Variants in LUZP2 observed in about 807,000 individuals in gnomAD.
The protein encoded by LUZP2 is leucine zipper protein 2.
In LUZP2, 52 loss-of-function variants were observed where a neutral mutation model predicts 51.6. That is an observed-to-expected ratio of 1.01 (90% confidence interval 0.81 to 1.27). LUZP2 has a LOEUF of 1.27. Among genes scored for constraint, LUZP2 ranks in the 50% most tolerant of loss-of-function variants. LUZP2 has a pLI of 0.00. For synonymous variants in LUZP2, 154 were observed against 137.3 expected (o/e 1.12, Z -0.85); for missense variants, 436 against 395.4 (o/e 1.10, Z -0.87).
chr11:24,566,788 TA>T (rs1414173863), intron 1 of LUZP2, among the ~76,000 whole-genome samples: 1 of 146,184 alleles, frequency 6.8e-6, no homozygotes, highest in African/African-American at 2.5e-5. Context: ...TACATATATA[TA>T]ATGTATATAT....
chr11:24,541,919 AC>A (rs753014364), intron 1 of LUZP2, among the ~76,000 whole-genome samples: 12 of 151,196 alleles, frequency 7.9e-5, no homozygotes, highest in Non-Finnish European at 1.2e-4. Context: ...GAAAAAAAAA[AC>A]ACCTGTTAGT....
chr11:24,974,045 C>T (rs998104076), intron 7 of LUZP2, among the ~76,000 whole-genome samples: 9 of 151,818 alleles, frequency 5.9e-5, no homozygotes, highest in East Asian at 5.8e-4. Flanking sequence ...TTAATGTCTC[C>T]CACTATTATT....
chr11:24,859,981 C>T (rs1396740522), intron 5 of LUZP2, among the ~76,000 whole-genome samples: 1 of 152,196 alleles, frequency 6.6e-6, no homozygotes, highest in Non-Finnish European at 1.5e-5. Context: ...CACCTGCTGC[C>T]TAAGTCATTT....
intron 1 of LUZP2, among the ~76,000 whole-genome samples, chr11:24,715,564 G>C (rs1858011707): frequency 6.6e-6 from 1 of 151,886 alleles, no homozygotes; most frequent in Non-Finnish European, 1.5e-5. Flanking sequence ...TACTTATATT[G>C]TCACCTGTGC....
At chr11:25,022,558 CA>C (rs538255249) in intron 9 of LUZP2, among the ~76,000 whole-genome samples, 19 of 151,762 alleles carry the variant, frequency 1.3e-4, no homozygotes, top group South Asian at 2.1e-4. Context: ...CTCTCTTCAC[CA>C]AAAAAATCTG....
At chr11:24,755,842 A>G (rs959229051) in intron 4 of LUZP2, among the ~76,000 whole-genome samples, 4 of 152,316 alleles carry the variant, frequency 2.6e-5, no homozygotes, top group African/African-American at 9.6e-5. Context: ...ATTTTACCTC[A>G]AAATATGTTT....
At chr11:24,689,542 C>A (rs904726187) in intron 1 of LUZP2, among the ~76,000 whole-genome samples, 1 of 152,106 alleles carries the variant, frequency 6.6e-6, no homozygotes, top group African/African-American at 2.4e-5. Flanking sequence ...CAGCTGTGAC[C>A]AATTTCTATT....
At chr11:24,944,563 A>C (rs1421120159) in intron 7 of LUZP2, among the ~76,000 whole-genome samples, 1 of 152,154 alleles carries the variant, frequency 6.6e-6, no homozygotes, top group Admixed American at 6.6e-5. Flanking sequence ...CCACTTTTAG[A>C]GGTGTTTGGG....
In LUZP2 at chr11:24,732,105, C is replaced by A; in HGVS notation, c.181-13C>A. 1.9e-6 allele frequency: 3 copies of A among 1,598,364 alleles called. No individual in the cohort carries two copies. The highest frequency in any genetic ancestry group is 2.6e-6 in the Non-Finnish European group (3 of 1,170,630). ...ACCTGAATAAAACTTCATTTTTCCA[C>A]TTTTCTTATCAGTCCTTAAAAAACG... On this transcript the variant is annotated splice_polypyrimidine_tract_variant and intron_variant, in intron 2 of 11. Coordinates refer to ENST00000336930, the MANE Select transcript of LUZP2 (RefSeq NM_001009909.4).
intron 5 of LUZP2, among the ~76,000 whole-genome samples, chr11:24,774,782 A>C (rs186134635): frequency 0.027 from 2,462 of 92,356 alleles, 258 homozygotes; most frequent in African/African-American, 0.092. Flanking sequence ...TATATATAGA[A>C]TATATTCTAT....
At chr11:24,878,230 G>A (rs2403988) in intron 5 of LUZP2, among the ~76,000 whole-genome samples, 73,728 of 151,268 alleles carry the variant, frequency 0.49, 18,382 homozygotes, top group East Asian at 0.69. Flanking sequence ...GGACAGGTCT[G>A]GTGTTGATGA....
At chr11:24,755,583 A>G (rs1050072612) in intron 4 of LUZP2, among the ~76,000 whole-genome samples, 1 of 152,134 alleles carries the variant, frequency 6.6e-6, no homozygotes, top group African/African-American at 2.4e-5. Context: ...AAGCCTCCGG[A>G]TGGATTGAAT....
chr11:24,800,679 C>T (rs1458721579), intron 5 of LUZP2, among the ~76,000 whole-genome samples: 2 of 152,088 alleles, frequency 1.3e-5, no homozygotes, highest in Non-Finnish European at 1.5e-5. Flanking sequence ...GACTGAGCAG[C>T]GCTGGACAAA....
At chr11:24,644,388 T>C (rs182934500) in intron 1 of LUZP2, among the ~76,000 whole-genome samples, 1 of 152,194 alleles carries the variant, frequency 6.6e-6, no homozygotes, top group Admixed American at 6.6e-5. Context: ...ACTCTGATGC[T>C]GTTTACAACT....
intron 1 of LUZP2, among the ~76,000 whole-genome samples, chr11:24,702,059 G>A (rs1857435793): frequency 6.6e-6 from 1 of 152,108 alleles, no homozygotes; most frequent in African/African-American, 2.4e-5. Context: ...TGGTAGTTGT[G>A]TTTTCCTAAT....
intron 1 of LUZP2, among the ~76,000 whole-genome samples, chr11:24,571,607 A>T (rs972387414): frequency 3.3e-5 from 5 of 152,082 alleles, no homozygotes; most frequent in African/African-American, 1.2e-4. Flanking sequence ...ACTGATGTAA[A>T]TCAATAAAGA....
intron 9 of LUZP2, among the ~76,000 whole-genome samples, chr11:25,003,027 G>C (rs745595780): frequency 6.6e-6 from 1 of 152,118 alleles, no homozygotes; most frequent in African/African-American, 2.4e-5. Context: ...CATTCCTTAC[G>C]GAGGGCCCTG....
chr11:24,910,651 A>C (rs930988648), intron 6 of LUZP2, among the ~76,000 whole-genome samples: 1 of 152,158 alleles, frequency 6.6e-6, no homozygotes, highest in Non-Finnish European at 1.5e-5. Context: ...CTCCACCTAC[A>C]TTTCAGAGGA....
At chr11:24,888,906 T>C (rs1180016554) in intron 5 of LUZP2, among the ~76,000 whole-genome samples, 3 of 152,102 alleles carry the variant, frequency 2.0e-5, no homozygotes, top group Non-Finnish European at 4.4e-5. Flanking sequence ...GTGCCTTGCT[T>C]CCCCTTCATC....
Sources: allele counts gnomAD v4.1 joint callset (sites outside exome capture counted in the v4.1 genomes callset), GRCh38; gene constraint gnomAD v4.1.1; transcripts MANE v1.5; gene names NCBI Gene and HGNC (gene_info 2026-07-23, HGNC 2026-07-21).